Variants in SHTN1 observed in about 807,000 individuals in gnomAD.
SHTN1 encodes shootin-1.
A neutral mutation model predicts 83.1 loss-of-function variants in SHTN1; 42 were observed. The observed-to-expected ratio is 0.51, with a 90% CI of 0.39 to 0.65. SHTN1 has a LOEUF of 0.65. Among genes scored for constraint, SHTN1 ranks in the 30% least tolerant of loss-of-function variants. The pLI is 0.00. For missense variants in SHTN1, 622 were observed against 737.8 expected, an observed-to-expected ratio of 0.84 and a Z score of 1.82; for synonymous variants, 224 against 247.7, an observed-to-expected ratio of 0.90 and a Z score of 0.90.
intron 13 of SHTN1, among the ~76,000 whole-genome samples, chr10:116,913,073 A>T (rs1299114437): frequency 6.6e-6 from 1 of 152,126 alleles, no homozygotes; most frequent in Non-Finnish European, 1.5e-5. Flanking sequence ...CACCACCACC[A>T]CTACCACCAA....
intron 1 of SHTN1, among the ~76,000 whole-genome samples, chr10:117,078,001 C>T (rs1853186646): frequency 6.6e-6 from 1 of 152,216 alleles, no homozygotes; most frequent in Non-Finnish European, 1.5e-5. Context: ...CGACGATTAA[C>T]AGCACAAACA....
At chr10:117,002,034 T>A (rs1354456940) in intron 1 of SHTN1, among the ~76,000 whole-genome samples, 2 of 152,158 alleles carry the variant, frequency 1.3e-5, no homozygotes, top group Admixed American at 1.3e-4. Flanking sequence ...CAAAAACTTG[T>A]CAGGCCATCA....
rs1847014320 is a variant in SHTN1 at position 116,881,559 on chromosome 10, G to A, written c.*4785C>T. ...TTTTTTTTACTTTAATGAGGAAGCT[G>A]AAAAGGCTGCGGAGGCACTTGAGGC... On this transcript the variant is annotated 3_prime_UTR_variant, in exon 17 of 17. Coordinates refer to ENST00000355371, the MANE Select transcript of SHTN1 (RefSeq NM_001127211.3). 1 of 1,548,526 alleles carries A rather than the reference G, an allele frequency of 6.5e-7. No homozygotes were observed. The highest frequency in any genetic ancestry group is 1.4e-5 in the African/African-American group (1 of 72,880).
chr10:116,957,131 GAATTCTGAATTCACA>G lies in SHTN1; in HGVS notation c.268-2936_268-2922del, dbSNP rs558005105. Among the ~76,000 whole-genome samples, 25 of 151,838 alleles carry G rather than the reference GAATTCTGAATTCACA, an allele frequency of 1.6e-4. No individual in the cohort carries two copies. In the East Asian group the frequency reaches 3.1e-3, roughly 19 times the overall value. On this transcript the variant is annotated intron_variant, in intron 4 of 16. Coordinates refer to ENST00000355371, the MANE Select transcript of SHTN1 (RefSeq NM_001127211.3). ...GTGCATACTATTTGAACATTTTTGAGAATTCTGAATTCACAAATTTTGGCTAAGTAATTTCATTGT... is the reference window on the plus strand; with the variant it reads ...GTGCATACTATTTGAACATTTTTGAGAATTTTGGCTAAGTAATTTCATTGT...
Position 116,949,307 on chromosome 10 carries a change from A to C in SHTN1, c.535-310T>G, listed in dbSNP as rs373871636. ...TATTTTTTTAATTAAAAAAAAACAA[A>C]GAATATAGAGATGGGGTCTCCTATG... On this transcript the variant is annotated intron_variant, in intron 6 of 16. Transcript: ENST00000355371. 1.4e-4 allele frequency among the ~76,000 whole-genome samples: 21 copies of C among 152,208 alleles called. No individual in the cohort carries two copies. In the East Asian group the frequency reaches 4.1e-3, roughly 29 times the overall value.
intron 12 of SHTN1, among the ~76,000 whole-genome samples, chr10:116,918,955 A>T (rs1257013580): frequency 6.6e-6 from 1 of 152,178 alleles, no homozygotes; most frequent in African/African-American, 2.4e-5. Flanking sequence ...TTCAATTATT[A>T]AAACTATCTA....
At chr10:117,005,353 G>A (rs1037400935), upstream of SHTN1, 14 of 1,272,592 alleles carry the variant, frequency 1.1e-5, no homozygotes, top group East Asian at 4.6e-4. Context: ...GTCGGCAGCC[G>A]CTATGCCAGC....
At chr10:117,030,152 G>C (rs552452339) in intron 2 of SHTN1, among the ~76,000 whole-genome samples, 5 of 152,122 alleles carry the variant, frequency 3.3e-5, no homozygotes, top group Admixed American at 2.0e-4. Context: ...CTCCCAAAGT[G>C]CTGGGATTAC....
At chr10:117,055,526 G>C (rs1166759895) in intron 1 of SHTN1, among the ~76,000 whole-genome samples, 1 of 152,154 alleles carries the variant, frequency 6.6e-6, no homozygotes, top group African/African-American at 2.4e-5. Flanking sequence ...AGTGGTGCTT[G>C]TTGCACAACA....
intron 8 of SHTN1, 43 bp from the exon 9 acceptor site, chr10:116,940,655 A>C: frequency 4.8e-5 from 71 of 1,472,312 alleles, no homozygotes; most frequent in Non-Finnish European, 6.3e-5. Context: ...AATCAATCTC[A>C]CATACCTCCT....
At chr10:116,993,918 ATTTAAG>A (rs1053397592) in intron 1 of SHTN1, among the ~76,000 whole-genome samples, 6 of 152,152 alleles carry the variant, frequency 3.9e-5, no homozygotes, top group East Asian at 3.8e-4. Flanking sequence ...CTAAAGATAA[ATTTAAG>A]TTTATCTACT....
At chr10:116,930,262 GT>G (rs1848909651) in intron 9 of SHTN1, among the ~76,000 whole-genome samples, 1 of 151,996 alleles carries the variant, frequency 6.6e-6, no homozygotes, top group Non-Finnish European at 1.5e-5. Context: ...TAGGTTCGGG[GT>G]ACATGTGCAT....
At chr10:117,024,961 A>T (rs1852309969) in intron 2 of SHTN1, among the ~76,000 whole-genome samples, 1 of 152,188 alleles carries the variant, frequency 6.6e-6, no homozygotes, top group African/African-American at 2.4e-5. Context: ...AAAAAAACAT[A>T]CAATTTACAA....
Position 117,033,249 on chromosome 10 carries a change from G to GT in SHTN1, c.-123+15195dup, listed in dbSNP as rs899424085. Among the ~76,000 whole-genome samples, 9 of 151,380 alleles carry GT rather than the reference G, an allele frequency of 5.9e-5. No homozygotes were observed. In the East Asian group the frequency reaches 7.7e-4, roughly 13 times the overall value. On this transcript the variant is annotated intron_variant, in intron 2 of 17. Transcript: ENST00000392901. Reference sequence around the variant, plus strand: ...ATACAAAAGATTGATGAAACAAAAAGTTTTTTTTTAAACTTAAACCAAATT... The same window carrying GT: ...ATACAAAAGATTGATGAAACAAAAAGTTTTTTTTTTAAACTTAAACCAAATT...
At chr10:116,911,415 C>T in intron 14 of SHTN1, 1 of 1,517,782 alleles carries the variant, frequency 6.6e-7, no homozygotes, top group East Asian at 2.5e-5. Context: ...TTAGGATTCT[C>T]CTTTTAGGCT....
intron 1 of SHTN1, among the ~76,000 whole-genome samples, chr10:116,985,415 G>A (rs545495297): frequency 1.6e-4 from 24 of 152,254 alleles, no homozygotes; most frequent in African/African-American, 5.5e-4. Flanking sequence ...GCATTACTGT[G>A]TGCAATGCAC....
intron 1 of SHTN1, among the ~76,000 whole-genome samples, chr10:117,001,084 G>A (rs938947441): frequency 2.0e-5 from 3 of 151,822 alleles, no homozygotes; most frequent in Non-Finnish European, 4.4e-5. Context: ...CACTTTAGTA[G>A]CTAGGAAATA....
At chr10:116,976,406 G>A (rs952084429) in intron 2 of SHTN1, among the ~76,000 whole-genome samples, 5 of 152,088 alleles carry the variant, frequency 3.3e-5, no homozygotes, top group African/African-American at 4.8e-5. Flanking sequence ...GTAGACATGT[G>A]GAAGGAAAAA....
At chr10:116,979,053 C>T (rs929835235) in intron 2 of SHTN1, among the ~76,000 whole-genome samples, 1 of 152,206 alleles carries the variant, frequency 6.6e-6, no homozygotes, top group Non-Finnish European at 1.5e-5. Flanking sequence ...GCTGCACCCA[C>T]TGTGGCATGC....
Sources: gnomAD v4.1 joint callset for allele counts (sites outside exome capture counted in the v4.1 genomes callset) on GRCh38, gnomAD v4.1.1 for gene constraint, MANE v1.5 for transcripts, NCBI Gene and HGNC (gene_info 2026-07-23, HGNC 2026-07-21) for gene names.